AKT3: variants seen among roughly 807,000 people sequenced by gnomAD.
The protein encoded by AKT3 is AKT serine/threonine kinase 3.
Under a neutral mutation model 65.3 loss-of-function variants are expected in AKT3, and 15 were observed. The observed-to-expected ratio is 0.23, with a 90% CI of 0.15 to 0.35. AKT3 has a LOEUF of 0.35. Among genes scored for constraint, AKT3 ranks in the 10% least tolerant of loss-of-function variants. The pLI is 1.00. For synonymous variants in AKT3, 206 were observed against 183.8 expected, an observed-to-expected ratio of 1.12 and a Z score of -0.98; for missense variants, 243 against 576.5, an observed-to-expected ratio of 0.42 and a Z score of 5.92.
intron 8 of AKT3, among the ~76,000 whole-genome samples, chr1:243,609,280 A>G (rs1337155322): frequency 6.6e-6 from 1 of 152,074 alleles, no homozygotes; most frequent in Non-Finnish European, 1.5e-5. Flanking sequence ...GAGGTTAAAT[A>G]TATAAAATTC....
At chr1:243,832,009 A>G (rs747561293) in intron 2 of AKT3, among the ~76,000 whole-genome samples, 1 of 151,488 alleles carries the variant, frequency 6.6e-6, no homozygotes, top group South Asian at 2.1e-4. Context: ...GGCCACCAAC[A>G]GTGGCTCCTG....
At chr1:243,664,181 ATG>A (rs1682598812) in intron 4 of AKT3, among the ~76,000 whole-genome samples, 1 of 145,482 alleles carries the variant, frequency 6.9e-6, no homozygotes, top group South Asian at 2.1e-4. Flanking sequence ...GGCTATAAAA[ATG>A]TCTTTTTTTT....
chr1:243,549,074 A>T (rs1240006071), intron 11 of AKT3, among the ~76,000 whole-genome samples: 1 of 152,054 alleles, frequency 6.6e-6, no homozygotes, highest in Admixed American at 6.6e-5. Flanking sequence ...TACCCTTGCC[A>T]CTACTGCCTT....
intron 2 of AKT3, among the ~76,000 whole-genome samples, chr1:243,790,714 G>A (rs1572353579): frequency 6.6e-6 from 1 of 152,086 alleles, no homozygotes. Flanking sequence ...ATCATTTCTA[G>A]CTTTTCATTT....
At chr1:243,797,321 T>C (rs993970911) in intron 2 of AKT3, among the ~76,000 whole-genome samples, 44 of 152,186 alleles carry the variant, frequency 2.9e-4, no homozygotes, top group African/African-American at 9.9e-4. Context: ...CTTAGCACTA[T>C]ATAAAATTAT....
Position 243,664,864 on chromosome 1 carries a change from T to C in AKT3, c.192A>G (p.Thr64=). 2 of 1,568,600 alleles carry C rather than the reference T, an allele frequency of 1.3e-6. No individual in the cohort carries two copies. The highest frequency in any genetic ancestry group is 1.7e-6 in the Non-Finnish European group (2 of 1,156,944). ...TAAATGTGTTTGGCTTTGGTCGTTCTGTTTTCATTAACTGGCATTCTAAGA... is the reference window on the plus strand; with the variant it reads ...TAAATGTGTTTGGCTTTGGTCGTTCCGTTTTCATTAACTGGCATTCTAAGA... The part of the protein sequence containing the change: ...FSVAKCQLMK[T]ERPKPNTFII... The change falls in exon 4 of 14, where the codon ACA becomes ACG. Residue 64 remains threonine (T), a synonymous_variant. Coordinates refer to ENST00000673466, the MANE Select transcript of AKT3 (RefSeq NM_005465.7).
intron 12 of AKT3, among the ~76,000 whole-genome samples, chr1:243,542,784 C>T (rs1314958360): frequency 6.6e-6 from 1 of 152,162 alleles, no homozygotes; most frequent in East Asian, 1.9e-4. Flanking sequence ...TGATATGATA[C>T]AAACCCAAAT....
chr1:243,799,831 C>T, intron 2 of AKT3, among the ~76,000 whole-genome samples: 1 of 152,230 alleles, frequency 6.6e-6, no homozygotes, highest in South Asian at 2.1e-4. Context: ...TCAATAAATG[C>T]TCTTTTACTA....
At chr1:243,757,847 G>A (rs1024355029) in intron 2 of AKT3, among the ~76,000 whole-genome samples, 4 of 150,358 alleles carry the variant, frequency 2.7e-5, no homozygotes, top group Non-Finnish European at 4.4e-5. Flanking sequence ...TGCAACCTCC[G>A]CCTCTCAGGT....
chr1:243,728,935 A>G (rs907462334), intron 2 of AKT3, among the ~76,000 whole-genome samples: 43 of 152,182 alleles, frequency 2.8e-4, no homozygotes, highest in Admixed American at 2.2e-3. Context: ...TGTATCAAGA[A>G]CTGATACAAG....
intron 12 of AKT3, among the ~76,000 whole-genome samples, chr1:243,534,366 T>C (rs1166589107): frequency 2.6e-5 from 4 of 152,090 alleles, no homozygotes; most frequent in African/African-American, 4.8e-5. Flanking sequence ...AGCAACAGAA[T>C]CAAAATACGT....
At chr1:243,656,475 G>A (rs561695487) in intron 4 of AKT3, among the ~76,000 whole-genome samples, 5 of 152,234 alleles carry the variant, frequency 3.3e-5, no homozygotes, top group Non-Finnish European at 5.9e-5. Context: ...ACAAGTATAC[G>A]CTAAGTACAG....
At chr1:243,821,701 T>C (rs570599878) in intron 2 of AKT3, among the ~76,000 whole-genome samples, 9 of 152,216 alleles carry the variant, frequency 5.9e-5, no homozygotes, top group African/African-American at 2.2e-4. Flanking sequence ...CATTACATAA[T>C]GGTAAAAGGA....
At chr1:243,819,320 C>A (rs1050161854) in intron 2 of AKT3, among the ~76,000 whole-genome samples, 1 of 152,174 alleles carries the variant, frequency 6.6e-6, no homozygotes, top group Admixed American at 6.5e-5. Context: ...GCCAGGGAGA[C>A]TGGACGGTTT....
At chr1:243,586,487 T>C (rs961604531) in intron 8 of AKT3, among the ~76,000 whole-genome samples, 44 of 152,096 alleles carry the variant, frequency 2.9e-4, no homozygotes, top group African/African-American at 9.7e-4. Flanking sequence ...AAGACATGGA[T>C]AGACCGGATT....
intron 8 of AKT3, among the ~76,000 whole-genome samples, chr1:243,587,940 T>C (rs1277142413): frequency 1.3e-5 from 2 of 152,114 alleles, no homozygotes; most frequent in Non-Finnish European, 2.9e-5. Context: ...TGAGCAAATA[T>C]ATAAAAGAAC....
At chr1:243,488,900 A>C in intron 13 of AKT3, 1 of 1,484,018 alleles carries the variant, frequency 6.7e-7, no homozygotes, top group Non-Finnish European at 9.3e-7. Context: ...GGGTCACCCT[A>C]GGCGTCCTGC....
At chr1:243,731,178 A>G (rs962058740) in intron 2 of AKT3, among the ~76,000 whole-genome samples, 1 of 151,880 alleles carries the variant, frequency 6.6e-6, no homozygotes, top group Non-Finnish European at 1.5e-5. Flanking sequence ...CTTATATGTA[A>G]GTATCTACCA....
intron 6 of AKT3, among the ~76,000 whole-genome samples, chr1:243,632,861 G>C (rs1679706433): frequency 6.6e-6 from 1 of 152,090 alleles, no homozygotes; most frequent in African/African-American, 2.4e-5. Flanking sequence ...CTGTTCTTCT[G>C]CAGCTTCCTT....
Sources: gnomAD v4.1 joint callset for allele counts (sites outside exome capture counted in the v4.1 genomes callset) on GRCh38, gnomAD v4.1.1 for gene constraint, MANE v1.5 for transcripts, NCBI Gene and HGNC (gene_info 2026-07-23, HGNC 2026-07-21) for gene names.